The following GTSE1 variants were observed in gnomAD, a reference collection of about 807,000 sequenced individuals.
GTSE1 encodes the protein G2 and S phase-expressed protein 1.
Under a neutral mutation model 60.5 loss-of-function variants are expected in GTSE1, and 52 were observed. The observed-to-expected ratio is 0.86, with a 90% CI of 0.69 to 1.08. GTSE1 has a LOEUF of 1.08. GTSE1 is among the 50% of genes least tolerant of loss of function. The pLI is 0.00. For missense variants in GTSE1, 937 were observed against 961.8 expected (o/e 0.97, Z 0.34); for synonymous variants, 368 against 386.5 (o/e 0.95, Z 0.56).
chr22:46,328,980 A>C (rs199784573), intron 10 of GTSE1, 91 bp downstream of exon 10: 5 of 1,034,322 alleles, frequency 4.8e-6, no homozygotes, highest in African/African-American at 1.6e-5. Flanking sequence ...TGGCTGGCGG[A>C]GTTCCCTGCC....
intron 2 of GTSE1, among the ~76,000 whole-genome samples, 166 bp from the exon 3 acceptor site, chr22:46,307,984 A>G (rs2077724975): frequency 6.6e-6 from 1 of 152,232 alleles, no homozygotes; most frequent in Non-Finnish European, 1.5e-5. Flanking sequence ...AGGAAAAAAT[A>G]TAACTTAGAG....
intron 7 of GTSE1, 43 bp from the exon 8 acceptor site, chr22:46,323,147 C>G (rs748363631): frequency 7.6e-7 from 1 of 1,314,428 alleles, no homozygotes; most frequent in South Asian, 1.2e-5. Flanking sequence ...AGGTCTCCCC[C>G]TGATCACTTT....
At chr22:46,301,643 A>C (rs2077689873) in intron 2 of GTSE1, among the ~76,000 whole-genome samples, 1 of 151,798 alleles carries the variant, frequency 6.6e-6, no homozygotes, top group Admixed American at 6.6e-5. Context: ...ACCTGCCACC[A>C]GGCCTGGCTA....
chr22:46,317,569 T>C lies in GTSE1; in HGVS notation c.1432+1157T>C, dbSNP rs1451607031. The stretch of plus-strand genomic sequence containing the variant: ...CTGCCTCTACATTTTTCACAAGTTT[T>C]TCTTGGTTGTTGGATATTGTCAGGT... On this transcript the variant is annotated intron_variant, in intron 7 of 11. Coordinates refer to ENST00000454366, the MANE Select transcript of GTSE1 (RefSeq NM_016426.7). The surrounding 1 kb of genome is among the most constrained non-coding windows in gnomAD (Gnocchi z 5.6). Among the ~76,000 whole-genome samples, 1 of 152,230 alleles carries C rather than the reference T, an allele frequency of 6.6e-6. No individual in the cohort carries two copies. The highest frequency in any genetic ancestry group is 1.5e-5 in the Non-Finnish European group (1 of 68,040).
rs60032274 is a variant in GTSE1 at position 46,297,163 on chromosome 22, A to T, written c.-21-217A>T. ...TGGCCCAGAAGCCGAGAATTCCGTT[A>T]TCTCGTCTGATGGCGTTCGGGCTGA... On this transcript the variant is annotated intron_variant, in intron 1 of 11. Coordinates refer to ENST00000454366, the MANE Select transcript of GTSE1 (RefSeq NM_016426.7). This position sits in a 1 kb window ranked among gnomAD's most constrained non-coding sequence, Gnocchi z 4.9. 0.11 allele frequency among the ~76,000 whole-genome samples: 15,940 copies of T among 151,732 alleles called. 1,981 individuals carry two copies. Among genetic ancestry groups the T allele is most frequent in the African/African-American group, 0.3 (12,527 of 41,478 alleles).
rs992819476 is a variant in GTSE1, at chr22:46,297,645, C to G, written c.79+166C>G. Among the ~76,000 whole-genome samples the G allele has an allele frequency of 6.6e-6, 1 of 152,228 alleles. No individual in the cohort carries two copies. Among genetic ancestry groups the G allele is most frequent in the Admixed American group, 6.5e-5 (1 of 15,274 alleles). On this transcript the variant is annotated intron_variant, in intron 2 of 11. Coordinates refer to ENST00000454366, the MANE Select transcript of GTSE1 (RefSeq NM_016426.7). This position sits in a 1 kb window ranked among gnomAD's most constrained non-coding sequence, Gnocchi z 4.9. Reference sequence around the variant, plus strand: ...GTTTTCTGGTTTTCTTTCACCTCCTCCCCATTTTAAGTTTCATCACAGCCA... The same window carrying G: ...GTTTTCTGGTTTTCTTTCACCTCCTGCCCATTTTAAGTTTCATCACAGCCA...
In GTSE1 at chr22:46,329,438, C is replaced by G. The variant is rs1467863862; in HGVS notation, c.2007C>G (p.Leu669=). 1 of 1,614,198 alleles carries G rather than the reference C, an allele frequency of 6.2e-7. No individual in the cohort carries two copies. Among genetic ancestry groups the G allele is most frequent in the East Asian group, 2.2e-5 (1 of 44,880 alleles). Residue 669 remains leucine, a synonymous_variant, in exon 11 of 12, where the codon CTC becomes CTG. Coordinates refer to ENST00000454366, the MANE Select transcript of GTSE1 (RefSeq NM_016426.7). This position sits in a 1 kb window ranked among gnomAD's most constrained non-coding sequence, Gnocchi z 6.4. ...GCCAGCCCCTCATTGACCTTCCTCTCATCGACTTCTGCGATACCCCAGAAG... is the reference window on the plus strand; with the variant it reads ...GCCAGCCCCTCATTGACCTTCCTCTGATCGACTTCTGCGATACCCCAGAAG... The part of the protein sequence containing the change: ...AASQPLIDLP[L]IDFCDTPEAH...
rs2147835987 is a variant in GTSE1 at position 46,329,434 on chromosome 22, C to T, written c.2003C>T (p.Pro668Leu). 6.2e-7 allele frequency: 1 copy of T among 1,614,198 alleles called. No homozygotes were observed. Among genetic ancestry groups the T allele is most frequent in the South Asian group, 1.1e-5 (1 of 91,088 alleles). The change falls in exon 11 of 12, where the codon CCT (proline) becomes CTT (leucine). Residue 668 changes from proline to leucine, a missense_variant. By Grantham distance (98) the Pro-to-Leu change is moderately conservative. Transcript: ENST00000454366. The surrounding 1 kb of genome is among the most constrained non-coding windows in gnomAD (Gnocchi z 6.4). ...GCAAGCCAGCCCCTCATTGACCTTCCTCTCATCGACTTCTGCGATACCCCA... is the reference window on the plus strand; with the variant it reads ...GCAAGCCAGCCCCTCATTGACCTTCTTCTCATCGACTTCTGCGATACCCCA... The part of the protein sequence containing the change: ...DAASQPLIDL[P>L]LIDFCDTPEA...
chr22:46,329,718 C>T lies in GTSE1; in HGVS notation c.2136+151C>T. ...TCAGGGCAGGATGCACCTTTGGCAG[C>T]CTGAGCTTCTCAAAGATCAGCTGCC... On this transcript the variant is annotated intron_variant, in intron 11 of 11. Transcript: ENST00000454366. This position sits in a 1 kb window ranked among gnomAD's most constrained non-coding sequence, Gnocchi z 6.4. 1 of 684,536 alleles carries T rather than the reference C, an allele frequency of 1.5e-6. No individual in the cohort carries two copies. The allele number at this position is 684,536 out of a possible 1,614,324, so 42.4% of individuals were successfully genotyped here.
chr22:46,313,888 A>G lies in GTSE1; in HGVS notation c.928-2A>G, dbSNP rs2077762976. On this transcript the variant is annotated splice_acceptor_variant, in intron 5 of 11. Transcript: ENST00000454366. LOFTEE classifies it high-confidence loss of function. This position sits in a 1 kb window ranked among gnomAD's most constrained non-coding sequence, Gnocchi z 4.4. ...ATTCTGTTTTTTCACATTTTGCCCC[A>G]GTTGGGGCTGAAGAAGACCCTGTTA... is the stretch of plus-strand genomic sequence containing the variant. 1.2e-6 allele frequency: 2 copies of G among 1,614,096 alleles called. No individual in the cohort carries two copies. Among genetic ancestry groups the G allele is most frequent in the African/African-American group, 1.3e-5 (1 of 75,070 alleles).
chr22:46,307,238 G>A (rs1323906458), intron 2 of GTSE1, among the ~76,000 whole-genome samples: 6 of 152,204 alleles, frequency 3.9e-5, no homozygotes, highest in Admixed American at 6.5e-5. Flanking sequence ...GGCGGTCAAC[G>A]AATTCTTATA....
chr22:46,329,236 C>T lies in GTSE1; in HGVS notation c.1927-122C>T, dbSNP rs991633709. On this transcript the variant is annotated intron_variant, in intron 10 of 11. Coordinates refer to ENST00000454366, the MANE Select transcript of GTSE1 (RefSeq NM_016426.7). This position sits in a 1 kb window ranked among gnomAD's most constrained non-coding sequence, Gnocchi z 6.4. ...ACAGAGCCTCCTTCCACCAAGGCCC[C>T]GCCTGATTCCTTGGCTTTCCAAACC... The T allele has an allele frequency of 1.2e-5, 10 of 836,226 alleles. No individual in the cohort carries two copies. The highest frequency in any genetic ancestry group is 1.8e-5 in the Non-Finnish European group (9 of 492,116). The allele number at this position is 836,226 out of a possible 1,614,324, so 51.8% of individuals were successfully genotyped here.
In GTSE1 at chr22:46,308,939, A is replaced by T; in HGVS notation, c.758A>T (p.Glu253Val). 13 of 1,608,514 alleles carry T rather than the reference A, an allele frequency of 8.1e-6. No individual in the cohort carries two copies. Among genetic ancestry groups the T allele is most frequent in the Non-Finnish European group, 1.1e-5 (13 of 1,177,052 alleles). ...VRGRSIPGAA[E>V]KPKKEIPASP... ...GGAAGAAGCATCCCTGGGGCTGCGGAGAAGGTAAATGCCACAGCAGAGCGC... is the reference window on the plus strand; with the variant it reads ...GGAAGAAGCATCCCTGGGGCTGCGGTGAAGGTAAATGCCACAGCAGAGCGC... Residue 253 changes from glutamate (E) to valine (V), a missense_variant, in exon 4 of 12, where the codon GAG becomes GTG. By Grantham distance (121) the Glu-to-Val change is moderately radical. Coordinates refer to ENST00000454366, the MANE Select transcript of GTSE1 (RefSeq NM_016426.7).
At chr22:46,308,983 C>G (rs758749914) in intron 4 of GTSE1, 40 bp downstream of exon 4, 29 of 1,564,828 alleles carry the variant, frequency 1.9e-5, no homozygotes, top group Non-Finnish European at 6.1e-6. Flanking sequence ...GGAGCCCCCA[C>G]TCCTTGCCCC....
At chr22:46,301,944 C>T (rs1175817453) in intron 2 of GTSE1, among the ~76,000 whole-genome samples, 1 of 152,240 alleles carries the variant, frequency 6.6e-6, no homozygotes, top group Non-Finnish European at 1.5e-5. Flanking sequence ...GCCTGACCAA[C>T]ATGCAGAAAC....
At position 46,308,643 on chromosome 22, in the gene GTSE1, GAAGA is replaced by G; in HGVS notation, c.465_468del (p.Lys156AlafsTer156). On this transcript the variant is annotated frameshift_variant, in exon 4 of 12. Coordinates refer to ENST00000454366, the MANE Select transcript of GTSE1 (RefSeq NM_016426.7). LOFTEE classifies it high-confidence loss of function. ...ACCTCTTTGAGAAAGAAAAGGAAAT[GAAGA>G]AAAGCCCCACGTCTCTTAAAAGGGA... is the stretch of plus-strand genomic sequence containing the variant. 1 of 1,613,962 alleles carries G rather than the reference GAAGA, an allele frequency of 6.2e-7. No individual in the cohort carries two copies. The highest frequency in any genetic ancestry group is 8.5e-7 in the Non-Finnish European group (1 of 1,180,024).
chr22:46,322,066 T>A (rs1601914535), intron 7 of GTSE1, among the ~76,000 whole-genome samples: 1 of 118,992 alleles, frequency 8.4e-6, no homozygotes, highest in East Asian at 2.4e-4. Context: ...AGAGAGAGAC[T>A]CTGTCTCAAA....
chr22:46,327,954 G>A (rs960171295), intron 9 of GTSE1, among the ~76,000 whole-genome samples: 22 of 152,314 alleles, frequency 1.4e-4, no homozygotes, highest in Non-Finnish European at 3.1e-4. Flanking sequence ...ATATAAATAG[G>A]AATATGTGTT....
chr22:46,308,544 C>T lies in GTSE1; in HGVS notation c.363C>T (p.Ala121=), dbSNP rs2077729047. Residue 121 remains alanine (A), a synonymous_variant, in exon 4 of 12, where the codon GCC becomes GCT. Coordinates refer to ENST00000454366, the MANE Select transcript of GTSE1 (RefSeq NM_016426.7). ...HIESSSRNQA[A]QAAKPEDPRS... ...AGAGCAGCAGCCGGAACCAGGCAGC[C>T]CAAGCTGCCAAGCCTGAAGACCCTC... is the stretch of plus-strand genomic sequence containing the variant. The T allele has an allele frequency of 2.5e-6, 4 of 1,614,104 alleles. No homozygotes were observed. The East Asian group carries it at 8.9e-5, about 36-fold the overall frequency.
Sources: allele counts gnomAD v4.1 joint callset (sites outside exome capture counted in the v4.1 genomes callset), GRCh38; gene constraint gnomAD v4.1.1; non-coding constraint Gnocchi (gnomAD v3.1); transcripts MANE v1.5; gene names NCBI Gene and HGNC (gene_info 2026-07-23, HGNC 2026-07-21).